ZFAT: variants seen among roughly 807,000 people sequenced by gnomAD.
ZFAT encodes zinc finger and AT-hook domain containing, also known as zinc finger protein ZFAT.
Under a neutral mutation model 117.7 loss-of-function variants are expected in ZFAT, and 64 were observed. The observed-to-expected ratio is 0.54, with a 90% CI of 0.44 to 0.67. ZFAT has a LOEUF of 0.67. Among genes scored for constraint, ZFAT ranks in the 30% least tolerant of loss-of-function variants. The pLI is 0.00. For synonymous variants in ZFAT, 679 were observed against 615.0 expected, an observed-to-expected ratio of 1.10 and a Z score of -1.54; for missense variants, 1,433 against 1,584.5, an observed-to-expected ratio of 0.90 and a Z score of 1.62.
chr8:134,810,177 G>A, the ZFAT span, among the ~76,000 whole-genome samples: 3 of 152,270 alleles, frequency 2.0e-5, no homozygotes, highest in African/African-American at 7.2e-5. Context: ...AAGAATCCTG[G>A]AGGGTAGCAC....
chr8:134,609,099 A>T (rs1828125557), intron 4 of ZFAT, among the ~76,000 whole-genome samples: 1 of 151,986 alleles, frequency 6.6e-6, no homozygotes, highest in Non-Finnish European at 1.5e-5. Context: ...AATCTGTCTA[A>T]ATGTCCTCTT....
At chr8:134,819,066 T>C in the ZFAT span, among the ~76,000 whole-genome samples, 2 of 152,186 alleles carry the variant, frequency 1.3e-5, no homozygotes, top group African/African-American at 2.4e-5. Context: ...AACAACTATA[T>C]GTCAATAAAA....
At chr8:134,725,861 A>G in the ZFAT span, among the ~76,000 whole-genome samples, 12 of 152,224 alleles carry the variant, frequency 7.9e-5, no homozygotes, top group African/African-American at 2.9e-4. Flanking sequence ...GGGTTGGGAA[A>G]GAAGCAGAGA....
chr8:134,484,611 A>G (rs1390481718), intron 15 of ZFAT, among the ~76,000 whole-genome samples: 1 of 152,228 alleles, frequency 6.6e-6, no homozygotes, highest in Non-Finnish European at 1.5e-5. Flanking sequence ...TGCTGGAAAT[A>G]GAGCACAGAT....
At chr8:134,819,505 C>T in the ZFAT span, among the ~76,000 whole-genome samples, 5 of 100,226 alleles carry the variant, frequency 5.0e-5, no homozygotes, top group African/African-American at 1.9e-4. Flanking sequence ...CACCCCCCCC[C>T]CCCGCCCCCC....
chr8:134,816,657 G>A, the ZFAT span, among the ~76,000 whole-genome samples: 1 of 152,086 alleles, frequency 6.6e-6, no homozygotes, highest in Non-Finnish European at 1.5e-5. Flanking sequence ...AAAAGCAATA[G>A]TGAACTAGCA....
chr8:134,606,095 T>A (rs887569557), intron 5 of ZFAT, among the ~76,000 whole-genome samples: 1 of 152,166 alleles, frequency 6.6e-6, no homozygotes, highest in African/African-American at 2.4e-5. Flanking sequence ...AAGGAAGCGG[T>A]GCCTGCAATA....
At chr8:134,806,073 A>C in the ZFAT span, among the ~76,000 whole-genome samples, 1 of 152,240 alleles carries the variant, frequency 6.6e-6, no homozygotes, top group Non-Finnish European at 1.5e-5. Flanking sequence ...ATTAAGTCAC[A>C]GTGATTTATG....
At chr8:134,752,490 T>C in the ZFAT span, among the ~76,000 whole-genome samples, 1 of 152,200 alleles carries the variant, frequency 6.6e-6, no homozygotes, top group Non-Finnish European at 1.5e-5. Flanking sequence ...AAATAAGAAA[T>C]GTGGAAACAA....
chr8:134,560,671 A>G (rs1255757472), intron 11 of ZFAT, among the ~76,000 whole-genome samples: 3 of 152,154 alleles, frequency 2.0e-5, no homozygotes. Context: ...AGATGGAAGG[A>G]TTTGGAAGAA....
At chr8:134,599,048 TC>T (rs1412092935) in intron 7 of ZFAT, 1 of 152,184 alleles carries the variant, frequency 6.6e-6, no homozygotes, top group African/African-American at 2.4e-5. Context: ...TCCAGCAAAA[TC>T]ACTTTAATGA....
chr8:134,823,843 A>G, the ZFAT span, among the ~76,000 whole-genome samples: 1 of 152,180 alleles, frequency 6.6e-6, no homozygotes, highest in African/African-American at 2.4e-5. Context: ...AATATTTTGG[A>G]TTTATTATAC....
rs149464726 is a variant in ZFAT, at chr8:134,676,633, C to G, written c.20-18896G>C. On this transcript the variant is annotated intron_variant, in intron 1 of 15. Coordinates refer to ENST00000377838, the MANE Select transcript of ZFAT (RefSeq NM_020863.4). ...TACAGAACTCTCCACCCCAAATCAA[C>G]AGAATAAACATTCTTCTCAGCACCA... Among the ~76,000 whole-genome samples, 661 of 152,312 alleles carry G rather than the reference C, an allele frequency of 4.3e-3. 5 individuals carry two copies. The highest frequency in any genetic ancestry group is 0.015 in the African/African-American group (615 of 41,566).
the ZFAT span, among the ~76,000 whole-genome samples, chr8:134,831,352 C>T: frequency 2.0e-5 from 3 of 152,206 alleles, no homozygotes; most frequent in African/African-American, 7.2e-5. Context: ...TCCCTCTCTC[C>T]CAAGTAACTT....
At chr8:134,479,545 A>G (rs189921879) in intron 15 of ZFAT, among the ~76,000 whole-genome samples, 37 of 152,368 alleles carry the variant, frequency 2.4e-4, no homozygotes, top group African/African-American at 8.2e-4. Flanking sequence ...AACAAAAGAC[A>G]TGGAGTTGAG....
chr8:134,591,009 G>C (rs2130878924), intron 7 of ZFAT, among the ~76,000 whole-genome samples: 1 of 152,336 alleles, frequency 6.6e-6, no homozygotes, highest in South Asian at 2.1e-4. Context: ...CATTTCAGAA[G>C]GAAGGGATGG....
chr8:134,821,182 A>G, the ZFAT span, among the ~76,000 whole-genome samples: 1 of 152,226 alleles, frequency 6.6e-6, no homozygotes, highest in African/African-American at 2.4e-5. Flanking sequence ...AAAGTTTTAT[A>G]GTAATGCAAT....
chr8:134,675,180 C>T (rs1050999996), intron 1 of ZFAT, among the ~76,000 whole-genome samples: 1 of 152,084 alleles, frequency 6.6e-6, no homozygotes, highest in South Asian at 2.1e-4. Flanking sequence ...ATGTTCTAAC[C>T]CAATGCAAGG....
chr8:134,694,521 T>C (rs983743818), intron 1 of ZFAT, among the ~76,000 whole-genome samples: 1 of 152,206 alleles, frequency 6.6e-6, no homozygotes, highest in African/African-American at 2.4e-5. Flanking sequence ...TATGTCATAA[T>C]AACAGGTTAA....
Sources: allele counts gnomAD v4.1 joint callset (sites outside exome capture counted in the v4.1 genomes callset), GRCh38; gene constraint gnomAD v4.1.1; transcripts MANE v1.5; gene names NCBI Gene and HGNC (gene_info 2026-07-23, HGNC 2026-07-21).